The following RLN2 variants were observed in gnomAD, a reference collection of about 807,000 sequenced individuals.
The protein encoded by RLN2 is relaxin 2, also known as prorelaxin H2.
RLN2 carries 10 observed loss-of-function variants against 7.3 expected under a neutral mutation model. The observed-to-expected ratio is 1.36, with a 90% CI of 0.84 to 2.31. RLN2 has a LOEUF of 2.31. RLN2 is among the 30% of genes most tolerant of loss of function. The pLI, the probability that RLN2 is intolerant of heterozygous loss-of-function variation, is 0.00. For missense variants in RLN2, 298 were observed against 217.6 expected, an observed-to-expected ratio of 1.37 and a Z score of -2.32; for synonymous variants, 103 against 82.3, an observed-to-expected ratio of 1.25 and a Z score of -1.36.
At chr9:5,327,243 TC>T in the RLN2 span, among the ~76,000 whole-genome samples, 1 of 152,086 alleles carries the variant, frequency 6.6e-6, no homozygotes, top group Non-Finnish European at 1.5e-5. Flanking sequence ...GGAGATACCC[TC>T]CTTTGCCTGG....
chr9:5,320,394 AG>A, the RLN2 span, among the ~76,000 whole-genome samples: 4 of 151,980 alleles, frequency 2.6e-5, no homozygotes, highest in African/African-American at 9.7e-5. Flanking sequence ...TTTTTGACAC[AG>A]GGTGCCACTC....
upstream of RLN2, among the ~76,000 whole-genome samples, chr9:5,307,329 GTA>G (rs144140932): frequency 3.3e-5 from 5 of 150,946 alleles, no homozygotes; most frequent in African/African-American, 1.2e-4. Context: ...GATAGTGTGT[GTA>G]TATATATATA....
At chr9:5,307,274 TA>T (rs1816270636), upstream of RLN2, among the ~76,000 whole-genome samples, 1 of 36,642 alleles carries the variant, frequency 2.7e-5, no homozygotes, top group African/African-American at 9.9e-5. Context: ...AGATAGAGGA[TA>T]GATAGATAGA....
chr9:5,333,286 T>G, the RLN2 span, among the ~76,000 whole-genome samples: 1 of 151,714 alleles, frequency 6.6e-6, no homozygotes, highest in Non-Finnish European at 1.5e-5. Flanking sequence ...ACAACACTGA[T>G]AAAGAAGAAA....
the RLN2 span, among the ~76,000 whole-genome samples, chr9:5,322,983 C>T: frequency 1.3e-5 from 2 of 151,560 alleles, no homozygotes; most frequent in African/African-American, 4.9e-5. Context: ...TATAATTTCC[C>T]ATTTGTAAAG....
chr9:5,337,835 A>G, the RLN2 span, among the ~76,000 whole-genome samples: 11 of 152,090 alleles, frequency 7.2e-5, no homozygotes, highest in African/African-American at 2.4e-4. Context: ...GTAGCTAAAT[A>G]TCTATATACA....
At chr9:5,300,922 G>A (rs1016402455) in intron 1 of RLN2, among the ~76,000 whole-genome samples, 2 of 152,188 alleles carry the variant, frequency 1.3e-5, no homozygotes, top group African/African-American at 4.8e-5. Context: ...ATGGTGGGAA[G>A]TTACTCCTGG....
the RLN2 span, among the ~76,000 whole-genome samples, chr9:5,326,370 C>T: frequency 3.3e-5 from 5 of 152,192 alleles, no homozygotes; most frequent in African/African-American, 9.6e-5. Context: ...GGTGGAGCCA[C>T]TGAAGTGGTA....
chr9:5,311,905 C>A, the RLN2 span, among the ~76,000 whole-genome samples: 1 of 151,226 alleles, frequency 6.6e-6, no homozygotes, highest in Non-Finnish European at 1.5e-5. Context: ...ATACATGTGC[C>A]ATGCTGGTGC....
At chr9:5,326,543 G>C in the RLN2 span, among the ~76,000 whole-genome samples, 1 of 152,058 alleles carries the variant, frequency 6.6e-6, no homozygotes, top group Admixed American at 6.6e-5. Context: ...TGGAGGGTCA[G>C]ACTCAGAGCA....
the RLN2 span, chr9:5,334,936 T>G: frequency 4.8e-6 from 1 of 207,278 alleles, no homozygotes. Flanking sequence ...CATGTAACTG[T>G]TGTTAGGTAC....
At chr9:5,321,570 G>C in the RLN2 span, among the ~76,000 whole-genome samples, 2 of 151,706 alleles carry the variant, frequency 1.3e-5, no homozygotes, top group African/African-American at 4.8e-5. Flanking sequence ...AATATTTGTT[G>C]AAAAAAGGAA....
chr9:5,322,692 G>A, the RLN2 span, among the ~76,000 whole-genome samples: 1 of 151,944 alleles, frequency 6.6e-6, no homozygotes, highest in Non-Finnish European at 1.5e-5. Context: ...AATAGAATAT[G>A]GGGGTATAAA....
chr9:5,327,855 G>A, the RLN2 span, among the ~76,000 whole-genome samples: 1 of 151,956 alleles, frequency 6.6e-6, no homozygotes, highest in African/African-American at 2.4e-5. Flanking sequence ...AAACGGAAAT[G>A]AATAGCATCA....
chr9:5,330,649 A>AG, the RLN2 span, among the ~76,000 whole-genome samples: 4 of 149,986 alleles, frequency 2.7e-5, no homozygotes, highest in Admixed American at 6.6e-5. Context: ...AAAAAAAAAA[A>AG]AAAAAAGAAA....
the RLN2 span, among the ~76,000 whole-genome samples, chr9:5,331,187 C>T: frequency 1.3e-5 from 2 of 151,992 alleles, no homozygotes; most frequent in Non-Finnish European, 2.9e-5. Flanking sequence ...GAGCTGGTAC[C>T]ATTCCTTCTG....
chr9:5,300,236 G>T lies in RLN2; in HGVS notation c.420C>A (p.Ala140=). 6.2e-7 allele frequency: 1 copy of T among 1,613,870 alleles called. No individual in the cohort carries two copies. The change falls in exon 2 of 2, where the codon GCC becomes GCA. Residue 140 remains alanine, a synonymous_variant. Transcript: ENST00000381627. ...KKLIRNRQSE[A]ADSSPSELKY... is the part of the protein sequence containing the mutation. ...TTAATTCTGAAGGACTGCTGTCTGC[G>T]GCTTCACTTTGTCTATTGCGAATAA...
At chr9:5,335,570 T>A in the RLN2 span, 2 of 1,609,766 alleles carry the variant, frequency 1.2e-6, no homozygotes, top group Non-Finnish European at 8.5e-7. Flanking sequence ...AGTTTCTGTA[T>A]CTTTGTTGAT....
the RLN2 span, among the ~76,000 whole-genome samples, chr9:5,318,007 C>CGTGTGTGTGTGTGTGT: frequency 0.081 from 12,005 of 147,960 alleles, 577 homozygotes; most frequent in African/African-American, 0.11. Context: ...TGTGTGTGTG[C>CGTGTGTGTGTGTGTGT]GTGTGTGTGT....
Sources: gnomAD v4.1 joint callset for allele counts (sites outside exome capture counted in the v4.1 genomes callset) on GRCh38, gnomAD v4.1.1 for gene constraint, MANE v1.5 for transcripts, NCBI Gene and HGNC (gene_info 2026-07-23, HGNC 2026-07-21) for gene names.